The following BAALC variants were observed in gnomAD, a reference collection of about 807,000 sequenced individuals.
The protein encoded by BAALC is brain and acute leukemia cytoplasmic protein.
In BAALC, 9 loss-of-function variants were observed where a neutral mutation model predicts 15.5. That is an observed-to-expected ratio of 0.58 (90% CI 0.35 to 1.02). The LOEUF is 1.02. BAALC is among the 50% of genes least tolerant of loss of function. The pLI, the probability that BAALC is intolerant of heterozygous loss-of-function variation, is 0.02. For missense variants in BAALC, 201 were observed against 192.4 expected (o/e 1.04, Z -0.27); for synonymous variants, 80 against 74.6 (o/e 1.07, Z -0.37).
chr8:103,178,649 A>G (rs1489445039), intron 1 of BAALC, among the ~76,000 whole-genome samples: 3 of 152,052 alleles, frequency 2.0e-5, no homozygotes, highest in East Asian at 3.9e-4. Flanking sequence ...ACAAGGTCAG[A>G]AGTTCAAGAC....
At chr8:103,156,270 A>G (rs566826658) in intron 1 of BAALC, among the ~76,000 whole-genome samples, 1 of 152,386 alleles carries the variant, frequency 6.6e-6, no homozygotes, top group East Asian at 1.9e-4. Context: ...ACGAACAGAC[A>G]ATGAATTAAT....
intron 1 of BAALC, among the ~76,000 whole-genome samples, chr8:103,185,767 T>C (rs1307043329): frequency 6.6e-6 from 1 of 152,348 alleles, no homozygotes; most frequent in African/African-American, 2.4e-5. Context: ...AGGATTATCA[T>C]CTAGCACTGG....
intron 1 of BAALC, among the ~76,000 whole-genome samples, chr8:103,147,566 A>G (rs952642147): frequency 6.6e-5 from 10 of 152,064 alleles, no homozygotes; most frequent in African/African-American, 2.2e-4. Context: ...GCACTCAGCA[A>G]TCCCTCAGGT....
At chr8:103,225,480 A>G (rs144817244) in intron 2 of BAALC, among the ~76,000 whole-genome samples, 4 of 152,204 alleles carry the variant, frequency 2.6e-5, no homozygotes, top group Non-Finnish European at 4.4e-5. Context: ...TTCTCATGCA[A>G]GTAATTGAAA....
chr8:103,144,484 T>G (rs536685314), intron 1 of BAALC, among the ~76,000 whole-genome samples: 164 of 152,352 alleles, frequency 1.1e-3, no homozygotes, highest in Admixed American at 2.3e-3. Flanking sequence ...TTAATCCTCA[T>G]AAAATCAGTC....
chr8:103,190,060 T>C (rs1811931693), intron 1 of BAALC, among the ~76,000 whole-genome samples: 2 of 152,052 alleles, frequency 1.3e-5, no homozygotes, highest in Non-Finnish European at 1.5e-5. Context: ...GACGTGATTA[T>C]AGGGAATGAA....
chr8:103,161,409 C>A (rs909512522), intron 1 of BAALC, among the ~76,000 whole-genome samples: 1 of 152,032 alleles, frequency 6.6e-6, no homozygotes, highest in African/African-American at 2.4e-5. Context: ...ACTGTTCTGT[C>A]CCTTGACTTT....
chr8:103,192,142 C>G (rs748917412), intron 1 of BAALC, among the ~76,000 whole-genome samples: 24 of 152,182 alleles, frequency 1.6e-4, no homozygotes, highest in Non-Finnish European at 3.1e-4. Flanking sequence ...ACCTCTGCCT[C>G]CCGGGTTCAA....
At chr8:103,198,658 C>G (rs1385731654) in intron 1 of BAALC, among the ~76,000 whole-genome samples, 1 of 151,958 alleles carries the variant, frequency 6.6e-6, no homozygotes, top group Non-Finnish European at 1.5e-5. Flanking sequence ...AATCCCAGCA[C>G]TTTGGGAGGT....
Position 103,228,139 on chromosome 8 carries a change from G to A in BAALC, c.*40G>A. ...AGAAGGGCAGATGGACTTCTTCAGT[G>A]TCCTTCACGGCACTGGATCCCATCA... On this transcript the variant is annotated 3_prime_UTR_variant, in exon 3 of 3. Coordinates refer to ENST00000309982, the MANE Select transcript of BAALC (RefSeq NM_024812.3). 1 of 1,358,552 alleles carries A rather than the reference G, an allele frequency of 7.4e-7. No homozygotes were observed. The highest frequency in any genetic ancestry group is 1.1e-6 in the Non-Finnish European group (1 of 951,864). 84.2% of individuals were successfully genotyped at this position (1,358,552 alleles called of 1,614,324 possible). A position where few individuals can be genotyped will look rare whatever the true frequency, so the allele number is the denominator to read the frequency against.
intron 1 of BAALC, among the ~76,000 whole-genome samples, chr8:103,189,061 T>C (rs1449218923): frequency 2.0e-5 from 3 of 152,186 alleles, no homozygotes; most frequent in Non-Finnish European, 4.4e-5. Context: ...GAGGCTTAAA[T>C]AAAATAAAGC....
intron 1 of BAALC, among the ~76,000 whole-genome samples, chr8:103,155,095 C>A (rs750131209): frequency 6.6e-6 from 1 of 152,000 alleles, no homozygotes; most frequent in Non-Finnish European, 1.5e-5. Flanking sequence ...TAACTTCATC[C>A]ATGAATACTT....
intron 1 of BAALC, among the ~76,000 whole-genome samples, chr8:103,165,309 C>T (rs189084039): frequency 1.0e-3 from 157 of 152,218 alleles, no homozygotes; most frequent in Middle Eastern, 3.4e-3. Context: ...CTGCAGCAAG[C>T]GTTGCTAAAC....
chr8:103,174,260 CAAAA>C, intron 1 of BAALC, among the ~76,000 whole-genome samples: 1 of 126,822 alleles, frequency 7.9e-6, no homozygotes, highest in South Asian at 2.5e-4. Flanking sequence ...GGCAAAGCAC[CAAAA>C]AAAAAAAAAA....
Position 103,141,041 on chromosome 8 carries a change from G to C in BAALC, c.144G>C (p.Ala48=), listed in dbSNP as rs773824848. 1.6e-5 allele frequency: 24 copies of C among 1,501,910 alleles called. No homozygotes were observed. Among genetic ancestry groups the C allele is most frequent in the Non-Finnish European group, 2.1e-5 (24 of 1,125,452 alleles). 93.0% of individuals were successfully genotyped at this position (1,501,910 alleles called of 1,614,324 possible). A position where few individuals can be genotyped will look rare whatever the true frequency, so the allele number is the denominator to read the frequency against. Residue 48 remains alanine (A), a synonymous_variant, in exon 1 of 3, where the codon GCG becomes GCC. Coordinates refer to ENST00000309982, the MANE Select transcript of BAALC (RefSeq NM_024812.3). ...SAAAPDSGPE[A]GGLHSGMLED... ...CCGCCCCGGACAGCGGCCCCGAAGC[G>C]GGCGGCCTGCACTCGGGTAAGTGGC... is the stretch of plus-strand genomic sequence containing the variant.
Position 103,213,056 on chromosome 8 carries a change from C to G in BAALC, c.298C>G (p.Gln100Glu). ...GAGCCTCAGCTCAGGCCCTCTGACC[C>G]AGAAACAGAATGGCCTTCAGACCAC... The part of the protein sequence containing the change: ...PQSLSSGPLT[Q>E]KQNGLQTTEA... Residue 100 changes from glutamine to glutamate, a missense_variant, in exon 2 of 3, where the codon CAG (glutamine) becomes GAG (glutamate). Physicochemically the swap from Gln to Glu is conservative, Grantham distance 29. Transcript: ENST00000309982. 6.2e-7 allele frequency: 1 copy of G among 1,613,984 alleles called. No individual in the cohort carries two copies. The highest frequency in any genetic ancestry group is 8.5e-7 in the Non-Finnish European group (1 of 1,179,944).
chr8:103,205,766 A>C lies in BAALC; in HGVS notation c.161-7153A>C, dbSNP rs186867913. On this transcript the variant is annotated intron_variant, in intron 1 of 2. Coordinates refer to ENST00000309982, the MANE Select transcript of BAALC (RefSeq NM_024812.3). ...GTAGTTTCATGCATTAAAATTTGAG[A>C]ACTGCCTACTTGGGAGTTTTTGCTA... 2.8e-3 allele frequency among the ~76,000 whole-genome samples: 426 copies of C among 152,310 alleles called. 5 individuals are homozygous for C. Among genetic ancestry groups the C allele is most frequent in the Admixed American group, 5.3e-3 (81 of 15,300 alleles).
chr8:103,169,754 G>A (rs1811435221), intron 1 of BAALC, among the ~76,000 whole-genome samples: 1 of 152,170 alleles, frequency 6.6e-6, no homozygotes, highest in African/African-American at 2.4e-5. Context: ...ATTGTTCTAA[G>A]TGATCCTCTG....
In BAALC at chr8:103,188,031, A is replaced by G. The variant is rs201239428; in HGVS notation, c.161-24888A>G. 4.6e-5 allele frequency among the ~76,000 whole-genome samples: 7 copies of G among 152,322 alleles called. No homozygotes were observed. In the East Asian group the frequency reaches 1.3e-3, roughly 29 times the overall value. ...AAAGAATTTGTTAATTTGTTAATAA[A>G]TTAGCAAAGAAACAGGTCTATATTG... On this transcript the variant is annotated intron_variant, in intron 1 of 2. Coordinates refer to ENST00000309982, the MANE Select transcript of BAALC (RefSeq NM_024812.3).
Sources: gnomAD v4.1 joint callset for allele counts (sites outside exome capture counted in the v4.1 genomes callset) on GRCh38, gnomAD v4.1.1 for gene constraint, MANE v1.5 for transcripts, NCBI Gene and HGNC (gene_info 2026-07-23, HGNC 2026-07-21) for gene names.